The following SPOCK1 variants were observed in gnomAD, a reference collection of about 807,000 sequenced individuals.
SPOCK1 encodes SPARC (osteonectin), cwcv and kazal like domains proteoglycan 1.
Under a neutral mutation model 55.3 loss-of-function variants are expected in SPOCK1, and 23 were observed. The ratio of observed to expected loss-of-function variants is 0.42; its 90% CI spans 0.30 to 0.59. SPOCK1 has a LOEUF of 0.59. Among genes scored for constraint, SPOCK1 ranks in the 20% least tolerant of loss-of-function variants. SPOCK1 has a pLI of 0.22. For missense variants in SPOCK1, 499 were observed against 552.5 expected, an observed-to-expected ratio of 0.90 and a Z score of 0.97; for synonymous variants, 226 against 221.0, an observed-to-expected ratio of 1.02 and a Z score of -0.20.
chr5:137,325,312 C>A (rs888213279), intron 2 of SPOCK1, among the ~76,000 whole-genome samples: 1 of 152,132 alleles, frequency 6.6e-6, no homozygotes, highest in Non-Finnish European at 1.5e-5. Flanking sequence ...CTTCTCAAAT[C>A]GGGAAAATTT....
chr5:137,216,749 A>C (rs1755724103), intron 3 of SPOCK1, among the ~76,000 whole-genome samples: 1 of 152,204 alleles, frequency 6.6e-6, no homozygotes, highest in Non-Finnish European at 1.5e-5. Context: ...TAAAATAAGC[A>C]AGTATGAAAT....
chr5:137,329,007 C>T (rs1758125502), intron 2 of SPOCK1, among the ~76,000 whole-genome samples: 1 of 152,166 alleles, frequency 6.6e-6, no homozygotes, highest in African/African-American at 2.4e-5. Flanking sequence ...GGTGCCCAGA[C>T]ATTCTATGAA....
chr5:137,040,250 T>C (rs1032073692), intron 6 of SPOCK1, among the ~76,000 whole-genome samples: 1 of 152,224 alleles, frequency 6.6e-6, no homozygotes, highest in African/African-American at 2.4e-5. Context: ...AAGGATGGTG[T>C]TAACAGCAAG....
At chr5:137,203,144 A>G (rs1048948999) in intron 3 of SPOCK1, among the ~76,000 whole-genome samples, 4 of 152,206 alleles carry the variant, frequency 2.6e-5, no homozygotes, top group Non-Finnish European at 4.4e-5. Flanking sequence ...TGGTTTACCA[A>G]GTAACTAACT....
intron 2 of SPOCK1, among the ~76,000 whole-genome samples, chr5:137,359,694 A>G (rs980414311): frequency 3.3e-5 from 5 of 152,236 alleles, no homozygotes; most frequent in African/African-American, 4.8e-5. Flanking sequence ...GTCCATACTA[A>G]GGAGCAAATG....
At chr5:137,383,024 T>C (rs1021712069) in intron 2 of SPOCK1, among the ~76,000 whole-genome samples, 2 of 152,176 alleles carry the variant, frequency 1.3e-5, no homozygotes, top group African/African-American at 4.8e-5. Flanking sequence ...GGGCCCTGCC[T>C]GGTCTGTACC....
intron 3 of SPOCK1, among the ~76,000 whole-genome samples, chr5:137,200,728 A>T (rs572950195): frequency 6.6e-6 from 1 of 152,290 alleles, no homozygotes; most frequent in South Asian, 2.1e-4. Flanking sequence ...TACATGTGCC[A>T]TGGTGGTTTG....
At chr5:137,371,693 C>T (rs1403868128) in intron 2 of SPOCK1, among the ~76,000 whole-genome samples, 1 of 152,218 alleles carries the variant, frequency 6.6e-6, no homozygotes, top group Non-Finnish European at 1.5e-5. Context: ...GATGTCTCCA[C>T]CCCCAACTTT....
At chr5:137,189,706 CTTA>C (rs1302778902) in intron 3 of SPOCK1, among the ~76,000 whole-genome samples, 1 of 152,026 alleles carries the variant, frequency 6.6e-6, no homozygotes, top group African/African-American at 2.4e-5. Flanking sequence ...ACTTTCAAGC[CTTA>C]TTATTTAAGA....
At chr5:137,222,130 G>A (rs539796062) in intron 3 of SPOCK1, among the ~76,000 whole-genome samples, 11 of 152,240 alleles carry the variant, frequency 7.2e-5, no homozygotes, top group East Asian at 1.9e-4. Context: ...ACATACATAC[G>A]CCATCAGGAG....
At chr5:137,303,604 G>A (rs1757645121) in intron 2 of SPOCK1, among the ~76,000 whole-genome samples, 1 of 152,198 alleles carries the variant, frequency 6.6e-6, no homozygotes, top group Non-Finnish European at 1.5e-5. Flanking sequence ...AGACACATAG[G>A]CTGTGTTTAG....
At chr5:137,024,904 A>G (rs1444961427) in intron 6 of SPOCK1, among the ~76,000 whole-genome samples, 3 of 152,248 alleles carry the variant, frequency 2.0e-5, no homozygotes, top group Non-Finnish European at 4.4e-5. Context: ...TGGTATGTAC[A>G]TATAATGGAT....
At position 137,290,943 on chromosome 5, in the gene SPOCK1, A is replaced by G. The variant is rs577892480; in HGVS notation, c.187-23888T>C. ...CTTACTAAGTGCTGGTATCTTTCCA[A>G]GTGCATAAAACATCTCAATTGATGT... On this transcript the variant is annotated intron_variant, in intron 2 of 10. Coordinates refer to ENST00000394945, the MANE Select transcript of SPOCK1 (RefSeq NM_004598.4). 1.4e-4 allele frequency among the ~76,000 whole-genome samples: 22 copies of G among 152,334 alleles called. No individual in the cohort carries two copies. The South Asian group carries it at 4.6e-3, about 32-fold the overall frequency.
intron 3 of SPOCK1, among the ~76,000 whole-genome samples, chr5:137,223,314 A>C (rs961584828): frequency 2.0e-5 from 3 of 152,048 alleles, no homozygotes; most frequent in African/African-American, 7.2e-5. Flanking sequence ...ACATGAAAAA[A>C]AAAAAAAGTA....
chr5:137,122,039 C>G (rs181078351), intron 4 of SPOCK1, among the ~76,000 whole-genome samples: 1 of 151,564 alleles, frequency 6.6e-6, no homozygotes, highest in Admixed American at 6.6e-5. Flanking sequence ...CTGACCAGAT[C>G]ATGAAGACTA....
At chr5:137,166,492 T>C (rs893692839) in intron 3 of SPOCK1, among the ~76,000 whole-genome samples, 1 of 151,810 alleles carries the variant, frequency 6.6e-6, no homozygotes, top group South Asian at 2.1e-4. Context: ...CAAAATTCAC[T>C]GGCAATGGTA....
At chr5:137,250,188 T>C (rs1194443942) in intron 3 of SPOCK1, among the ~76,000 whole-genome samples, 1 of 152,214 alleles carries the variant, frequency 6.6e-6, no homozygotes, top group Non-Finnish European at 1.5e-5. Context: ...CACCCACTCA[T>C]TTGCATACTG....
At position 137,198,728 on chromosome 5, in the gene SPOCK1, C is replaced by T. The variant is rs536856831; in HGVS notation, c.233-58034G>A. On this transcript the variant is annotated intron_variant, in intron 3 of 10. Transcript: ENST00000394945. ...GCAACGTTTTTCTTAATTTGATTGG[C>T]GTGTTGTTTGATTTTTGACAGGTTT... 3.2e-4 allele frequency among the ~76,000 whole-genome samples: 48 copies of T among 152,078 alleles called. 1 individual carries two copies. Among genetic ancestry groups the T allele is most frequent in the South Asian group, 2.9e-3 (14 of 4,806 alleles).
At chr5:137,209,733 T>C (rs1398389305) in intron 3 of SPOCK1, among the ~76,000 whole-genome samples, 2 of 152,160 alleles carry the variant, frequency 1.3e-5, no homozygotes, top group African/African-American at 4.8e-5. Context: ...TTACATTATA[T>C]TAGAAGGTAG....
Sources: allele counts gnomAD v4.1 joint callset (sites outside exome capture counted in the v4.1 genomes callset), GRCh38; gene constraint gnomAD v4.1.1; transcripts MANE v1.5; gene names NCBI Gene and HGNC (gene_info 2026-07-23, HGNC 2026-07-21).